Variants in DAB1 observed in about 807,000 individuals in gnomAD.
The protein encoded by DAB1 is DAB adaptor protein 1.
A neutral mutation model predicts 64.6 loss-of-function variants in DAB1; 15 were observed. The ratio of observed to expected loss-of-function variants is 0.23; its 90% CI spans 0.16 to 0.36. The LOEUF is 0.36. Among genes scored for constraint, DAB1 ranks in the 10% least tolerant of loss-of-function variants. DAB1 has a pLI of 1.00. For synonymous variants in DAB1, 235 were observed against 251.9 expected, an observed-to-expected ratio of 0.93 and a Z score of 0.64; for missense variants, 596 against 706.7, an observed-to-expected ratio of 0.84 and a Z score of 1.78.
intron 5 of DAB1, among the ~76,000 whole-genome samples, chr1:57,994,204 G>C (rs1258676594): frequency 6.6e-6 from 1 of 152,212 alleles, no homozygotes; most frequent in Non-Finnish European, 1.5e-5. Context: ...ATGAGATGCT[G>C]AGTTTGTCTA....
chr1:58,008,577 A>G (rs1646621366), intron 5 of DAB1, among the ~76,000 whole-genome samples: 1 of 152,204 alleles, frequency 6.6e-6, no homozygotes, highest in Admixed American at 6.5e-5. Context: ...GAGCTCAATC[A>G]TAGCGGTTCG....
At chr1:58,449,471 G>A (rs536585023) in intron 3 of DAB1, among the ~76,000 whole-genome samples, 4 of 152,322 alleles carry the variant, frequency 2.6e-5, no homozygotes, top group African/African-American at 9.6e-5. Context: ...CCCAGGATGG[G>A]TGAGAATAGG....
intron 4 of DAB1, among the ~76,000 whole-genome samples, chr1:58,154,661 A>G (rs964386874): frequency 2.0e-5 from 3 of 152,170 alleles, no homozygotes; most frequent in Non-Finnish European, 4.4e-5. Context: ...AGTAGAGTCC[A>G]GAATGCTCCA....
At chr1:57,123,974 TATA>T (rs1213502343) in intron 4 of DAB1, among the ~76,000 whole-genome samples, 1 of 152,118 alleles carries the variant, frequency 6.6e-6, no homozygotes, top group Admixed American at 6.5e-5. Context: ...ACAATAAATA[TATA>T]ATACTTTTAT....
At chr1:58,163,020 C>T (rs183059374) in intron 4 of DAB1, among the ~76,000 whole-genome samples, 1 of 152,120 alleles carries the variant, frequency 6.6e-6, no homozygotes, top group African/African-American at 2.4e-5. Flanking sequence ...ACACGAGACA[C>T]CATCCCCCAA....
At chr1:58,478,091 A>G (rs955634735) in intron 3 of DAB1, among the ~76,000 whole-genome samples, 7 of 152,148 alleles carry the variant, frequency 4.6e-5, no homozygotes, top group Non-Finnish European at 7.4e-5. Flanking sequence ...TGTAATCCCC[A>G]TGTGACAAGA....
chr1:57,233,252 A>ATCCTTTTTT (rs1667823911), intron 2 of DAB1, among the ~76,000 whole-genome samples: 1 of 56,890 alleles, frequency 1.8e-5, no homozygotes, highest in Admixed American at 2.2e-4. Flanking sequence ...CTTTGCTCCG[A>ATCCTTTTTT]TTCTTTTTTT....
chr1:58,502,875 T>C (rs72672211), intron 3 of DAB1, among the ~76,000 whole-genome samples: 7,328 of 152,306 alleles, frequency 0.048, 223 homozygotes, highest in African/African-American at 0.063. Context: ...TAAGAAATTA[T>C]ATGAGGTTTT....
chr1:58,458,561 T>C (rs1645212854), intron 3 of DAB1, among the ~76,000 whole-genome samples: 1 of 152,340 alleles, frequency 6.6e-6, no homozygotes, highest in African/African-American at 2.4e-5. Flanking sequence ...CCCAGCATTT[T>C]GGGAGGCCAA....
chr1:58,098,548 A>G (rs1219308116), intron 5 of DAB1, among the ~76,000 whole-genome samples: 1 of 152,204 alleles, frequency 6.6e-6, no homozygotes, highest in Non-Finnish European at 1.5e-5. Context: ...GTCATGAACT[A>G]TTATAGGATA....
At chr1:57,583,503 T>C (rs1472602478) in intron 7 of DAB1, among the ~76,000 whole-genome samples, 1 of 151,994 alleles carries the variant, frequency 6.6e-6, no homozygotes, top group African/African-American at 2.4e-5. Context: ...GCCAAGAGGG[T>C]CTCCATCTCC....
chr1:58,463,448 C>A (rs1247885915), intron 3 of DAB1, among the ~76,000 whole-genome samples: 1 of 152,164 alleles, frequency 6.6e-6, no homozygotes, highest in Non-Finnish European at 1.5e-5. Context: ...GTGTGTGGCA[C>A]CCTGGGGAGA....
At chr1:58,407,127 C>T (rs1343457181) in intron 3 of DAB1, among the ~76,000 whole-genome samples, 1 of 152,196 alleles carries the variant, frequency 6.6e-6, no homozygotes, top group Admixed American at 6.5e-5. Context: ...TCACCCCCAC[C>T]TCTTTCTTAT....
At chr1:58,431,009 G>C (rs1191459905) in intron 3 of DAB1, among the ~76,000 whole-genome samples, 1 of 152,174 alleles carries the variant, frequency 6.6e-6, no homozygotes, top group Non-Finnish European at 1.5e-5. Flanking sequence ...GGGGATCCCT[G>C]AGGTCTATGA....
At chr1:58,424,630 C>T (rs1644803632) in intron 3 of DAB1, among the ~76,000 whole-genome samples, 1 of 151,466 alleles carries the variant, frequency 6.6e-6, no homozygotes, top group African/African-American at 2.4e-5. Context: ...TTTCAGTGAA[C>T]CCTAGGCGAT....
At chr1:57,467,662 A>G (rs938389995) in intron 7 of DAB1, among the ~76,000 whole-genome samples, 2 of 152,140 alleles carry the variant, frequency 1.3e-5, no homozygotes, top group African/African-American at 4.8e-5. Context: ...CATTTGCTGT[A>G]CATCCAGCAC....
At chr1:57,550,573 C>T (rs955773576) in intron 7 of DAB1, among the ~76,000 whole-genome samples, 1 of 151,562 alleles carries the variant, frequency 6.6e-6, no homozygotes, top group Non-Finnish European at 1.5e-5. Context: ...TGTCTATTGC[C>T]TGCAATCGAT....
At chr1:58,025,104 CTCTT>C (rs1026799016) in intron 5 of DAB1, among the ~76,000 whole-genome samples, 2 of 151,812 alleles carry the variant, frequency 1.3e-5, no homozygotes, top group African/African-American at 4.8e-5. Flanking sequence ...CCCTTTTTCT[CTCTT>C]TCACACACTC....
intron 5 of DAB1, among the ~76,000 whole-genome samples, chr1:57,973,813 C>A (rs1156429055): frequency 6.6e-6 from 1 of 152,166 alleles, no homozygotes; most frequent in Non-Finnish European, 1.5e-5. Context: ...AGCCTCCAAG[C>A]AGTCTCTGTC....
Sources: gnomAD v4.1 joint callset for allele counts (sites outside exome capture counted in the v4.1 genomes callset) on GRCh38, gnomAD v4.1.1 for gene constraint, MANE v1.5 for transcripts, NCBI Gene and HGNC (gene_info 2026-07-23, HGNC 2026-07-21) for gene names.